XIRP2: variants seen among roughly 807,000 people sequenced by gnomAD.
The protein encoded by XIRP2 is xin actin-binding repeat-containing protein 2.
A neutral mutation model predicts 277.0 loss-of-function variants in XIRP2; 236 were observed. The observed-to-expected ratio is 0.85, with a 90% confidence interval of 0.77 to 0.95. XIRP2 has a LOEUF of 0.95. XIRP2 is among the 40% of genes least tolerant of loss of function. The probability of loss-of-function intolerance (pLI) is 0.00; values close to 1 mark genes in which losing one functional copy is unlikely to be tolerated. For synonymous variants in XIRP2, 1,490 were observed against 1,416.5 expected (o/e 1.05, Z -1.17); for missense variants, 4,640 against 4,157.5 (o/e 1.12, Z -3.19).
chr2:166,983,691 C>T (rs75057887), intron 2 of XIRP2, among the ~76,000 whole-genome samples: 1 of 152,156 alleles, frequency 6.6e-6, no homozygotes, highest in African/African-American at 2.4e-5. Context: ...ACTCTAAATT[C>T]TGTCTTTTCT....
At chr2:167,213,732 G>C (rs554944575) in intron 4 of XIRP2, among the ~76,000 whole-genome samples, 4 of 152,126 alleles carry the variant, frequency 2.6e-5, no homozygotes, top group African/African-American at 7.2e-5. Flanking sequence ...CATTACTCCC[G>C]GTTATGACCA....
Position 167,040,590 on chromosome 2 carries a change from C to T in XIRP2, c.409-95319C>T, listed in dbSNP as rs139103312. On this transcript the variant is annotated intron_variant, in intron 2 of 10. Transcript: ENST00000409195. ...AGGTGGTTTGGCCAGGGAATGGTTG[C>T]AATGGAACACAGCCATGGGAACACA... Among the ~76,000 whole-genome samples the T allele has an allele frequency of 5.0e-3, 766 of 152,236 alleles. 10 individuals carry two copies. Among genetic ancestry groups the T allele is most frequent in the African/African-American group, 0.017 (708 of 41,534 alleles).
At chr2:167,114,537 T>C (rs974013425) in intron 2 of XIRP2, among the ~76,000 whole-genome samples, 2 of 152,242 alleles carry the variant, frequency 1.3e-5, no homozygotes, top group Admixed American at 6.5e-5. Flanking sequence ...GCTGGTGTGC[T>C]GCACCCATTA....
chr2:167,006,446 C>CT (rs1253786595), intron 2 of XIRP2, among the ~76,000 whole-genome samples: 1 of 151,594 alleles, frequency 6.6e-6, no homozygotes, highest in East Asian at 1.9e-4. Flanking sequence ...GTGGCATTAT[C>CT]TTTTTCTTTT....
intron 2 of XIRP2, among the ~76,000 whole-genome samples, chr2:167,116,807 G>T (rs1690908678): frequency 1.3e-5 from 2 of 152,184 alleles, no homozygotes; most frequent in South Asian, 4.1e-4. Flanking sequence ...AGTACAATTT[G>T]ATTTCTGTCA....
intron 2 of XIRP2, among the ~76,000 whole-genome samples, chr2:166,952,316 G>GT (rs1436164037): frequency 6.6e-6 from 1 of 151,926 alleles, no homozygotes; most frequent in Non-Finnish European, 1.5e-5. Flanking sequence ...CTTTTAAACT[G>GT]TAAGTGTTCA....
chr2:167,184,407 G>T, intron 3 of XIRP2: 2 of 619,516 alleles, frequency 3.2e-6, no homozygotes, highest in Non-Finnish European at 2.9e-6. Context: ...ATTGTATCCT[G>T]CTATCCTGTG....
Position 167,254,137 on chromosome 2 carries a change from CG to C in XIRP2, c.*12del, listed in dbSNP as rs1440399192. Reference sequence around the variant, plus strand: ...GCAGAATTTTCATAAGTCCTGCTTCCGATGCCACCATTGCAACAGTAAACTA... The same window carrying C: ...GCAGAATTTTCATAAGTCCTGCTTCCATGCCACCATTGCAACAGTAAACTA... On this transcript the variant is annotated 3_prime_UTR_variant, in exon 10 of 11. Transcript: ENST00000409195. The C allele has an allele frequency of 1.2e-6, 2 of 1,609,938 alleles. No individual in the cohort carries two copies. The highest frequency in any genetic ancestry group is 1.7e-6 in the Non-Finnish European group (2 of 1,177,892).
intron 2 of XIRP2, among the ~76,000 whole-genome samples, chr2:167,097,656 C>G (rs1690360395): frequency 6.6e-6 from 1 of 152,136 alleles, no homozygotes; most frequent in Non-Finnish European, 1.5e-5. Flanking sequence ...TGTCAGTGGT[C>G]TTTACATTTG....
intron 2 of XIRP2, among the ~76,000 whole-genome samples, chr2:167,045,514 G>C (rs1289736696): frequency 6.6e-6 from 1 of 151,930 alleles, no homozygotes; most frequent in South Asian, 2.1e-4. Context: ...TCCAACAAAG[G>C]CCTAATATTC....
chr2:166,919,566 TACA>T (rs1224155319), intron 2 of XIRP2, among the ~76,000 whole-genome samples: 1 of 152,210 alleles, frequency 6.6e-6, no homozygotes, highest in East Asian at 1.9e-4. Context: ...TTATTAATGA[TACA>T]ACAATATAAA....
chr2:167,060,226 C>A (rs2105238868), intron 2 of XIRP2, among the ~76,000 whole-genome samples: 1 of 152,092 alleles, frequency 6.6e-6, no homozygotes, highest in East Asian at 1.9e-4. Flanking sequence ...ATTTATGTAA[C>A]CCTTTATGTA....
Position 167,007,679 on chromosome 2 carries a change from A to ACT in XIRP2, c.408+103813_408+103814dup, listed in dbSNP as rs145843756. Among the ~76,000 whole-genome samples the ACT allele has an allele frequency of 1.8e-3, 252 of 142,352 alleles. 2 individuals carry two copies. The highest frequency in any genetic ancestry group is 2.9e-3 in the South Asian group (13 of 4,428). 93.4% of individuals were successfully genotyped at this position (142,352 alleles called of 152,430 possible). On this transcript the variant is annotated intron_variant, in intron 2 of 10. Transcript: ENST00000409195. ...ATACATATATCTTACCCACATGTAC[A>ACT]CTCTCTCTCTCTCTCTCTCTCTCTC...
intron 10 of XIRP2, 102 bp from the exon 11 acceptor site, chr2:167,257,755 C>A (rs1179840538): frequency 1.7e-6 from 2 of 1,210,742 alleles, no homozygotes; most frequent in Non-Finnish European, 2.3e-6. Flanking sequence ...TTGCTAGTAA[C>A]TTAAGTTTAC....
intron 3 of XIRP2, among the ~76,000 whole-genome samples, chr2:167,138,146 C>T (rs1180597864): frequency 2.6e-5 from 4 of 152,072 alleles, no homozygotes; most frequent in African/African-American, 9.7e-5. Flanking sequence ...CTGTGACAGC[C>T]TTATACATTA....
intron 3 of XIRP2, among the ~76,000 whole-genome samples, chr2:167,187,907 C>T (rs139067041): frequency 1.3e-5 from 2 of 152,044 alleles, no homozygotes; most frequent in Non-Finnish European, 2.9e-5. Flanking sequence ...AATTGTATTT[C>T]TTGGAATTTG....
chr2:166,926,665 ATGC>A (rs1414709732), intron 2 of XIRP2, among the ~76,000 whole-genome samples: 3 of 152,130 alleles, frequency 2.0e-5, no homozygotes, highest in Non-Finnish European at 4.4e-5. Context: ...CTTTCTGTTC[ATGC>A]TTGGTGCAGA....
chr2:166,994,285 C>A (rs1286797854), intron 2 of XIRP2, among the ~76,000 whole-genome samples: 2 of 57,962 alleles, frequency 3.5e-5, no homozygotes, highest in African/African-American at 8.4e-5. Context: ...AATGAGATCA[C>A]TTGGACACAG....
rs202158141 is a variant in XIRP2, at chr2:167,245,881, C to T, written c.4489C>T (p.Arg1497Ter). Residue 1497 changes from arginine (R) to a stop codon, truncating the protein, a stop_gained, in exon 9 of 11, where the codon CGA (arginine) becomes TGA (stop). Coordinates refer to ENST00000409195, the MANE Select transcript of XIRP2 (RefSeq NM_152381.6). LOFTEE classifies it high-confidence loss of function. ...VKQAVWLFEN[R>*]TFDSIMEAHK... ...GCAGGCTGTGTGGCTTTTTGAAAAT[C>T]GAACTTTCGATTCTATTATGGAAGC... is the stretch of plus-strand genomic sequence containing the variant. 115 of 1,613,458 alleles carry T rather than the reference C, an allele frequency of 7.1e-5. No individual in the cohort carries two copies. The highest frequency in any genetic ancestry group is 9.0e-5 in the Non-Finnish European group (106 of 1,179,718).
Sources: allele counts gnomAD v4.1 joint callset (sites outside exome capture counted in the v4.1 genomes callset), GRCh38; gene constraint gnomAD v4.1.1; transcripts MANE v1.5; gene names NCBI Gene and HGNC (gene_info 2026-07-23, HGNC 2026-07-21).